NLRC5: variants seen among roughly 807,000 people sequenced by gnomAD.
NLRC5 encodes protein NLRC5.
In NLRC5, 114 loss-of-function variants were observed where a neutral mutation model predicts 206.9. The ratio of observed to expected loss-of-function variants is 0.55; its 90% confidence interval spans 0.47 to 0.64. The LOEUF is 0.64. Ranked by LOEUF, NLRC5 falls within the 30% of genes least tolerant of loss-of-function variation. NLRC5 has a pLI of 0.00. For missense variants in NLRC5, 2,008 were observed against 2,305.5 expected, an observed-to-expected ratio of 0.87 and a Z score of 2.64; for synonymous variants, 952 against 962.8, an observed-to-expected ratio of 0.99 and a Z score of 0.21.
In NLRC5 at chr16:57,059,040, G is replaced by A. The variant is rs148819905; in HGVS notation, c.3899G>A (p.Arg1300His). 3.3e-5 allele frequency: 53 copies of A among 1,613,968 alleles called. No individual in the cohort carries two copies. The highest frequency in any genetic ancestry group is 2.7e-4 in the African/African-American group (20 of 74,904). Residue 1300 changes from arginine to histidine, a missense_variant, in exon 29 of 49, where the codon CGT becomes CAT. Transcript: ENST00000688547. ...CTGGAGACACTGCCCTCCTGCCCAC[G>A]TGTCCGGGAGGCCTCAGTGAAGTAA... ...YLLETLPSCP[R>H]VREASVNLGS...
intron 28 of NLRC5, 135 bp downstream of exon 28, chr16:57,058,283 C>A (rs1414676609): frequency 4.4e-6 from 3 of 689,478 alleles, no homozygotes; most frequent in African/African-American, 3.6e-5. Flanking sequence ...AGGGGCAATT[C>A]TTCCCTTGCC....
At chr16:57,080,137 C>G (rs1244492467) in intron 46 of NLRC5, among the ~76,000 whole-genome samples, 1 of 152,192 alleles carries the variant, frequency 6.6e-6, no homozygotes. Context: ...AATTCTAGGA[C>G]TAGCCTGGGA....
At chr16:57,037,165 C>A in intron 14 of NLRC5, 30 bp from the exon 15 acceptor site, 1 of 1,594,168 alleles carries the variant, frequency 6.3e-7, no homozygotes, top group Non-Finnish European at 8.6e-7. Flanking sequence ...CAGCCACATG[C>A]CAACGGCTGC....
At chr16:57,032,032 A>G (rs1378384881) in intron 11 of NLRC5, among the ~76,000 whole-genome samples, 1 of 152,014 alleles carries the variant, frequency 6.6e-6, no homozygotes, top group Admixed American at 6.6e-5. Context: ...GCTAAGACTC[A>G]GAGACAGATG....
At chr16:57,041,352 G>T in intron 17 of NLRC5, 133 bp from the exon 18 acceptor site, 1 of 671,464 alleles carries the variant, frequency 1.5e-6, no homozygotes. Context: ...GTCTGTCTAG[G>T]TGCCAGATAC....
rs762777064 is a variant in NLRC5, at chr16:57,022,237, A to G, written c.296-19A>G. Reference sequence around the variant, plus strand: ...CCTCGACAGCCCCATACCACATTATACTCTCCCCTCTCTTGCAGGGTTCAC... The same window carrying G: ...CCTCGACAGCCCCATACCACATTATGCTCTCCCCTCTCTTGCAGGGTTCAC... On this transcript the variant is annotated intron_variant, in intron 3 of 48. Transcript: ENST00000688547. 1.2e-6 allele frequency: 2 copies of G among 1,604,902 alleles called. No individual in the cohort carries two copies. Among genetic ancestry groups the G allele is most frequent in the Admixed American group, 1.7e-5 (1 of 59,682 alleles).
chr16:57,013,986 T>C (rs1166180408), intron 1 of NLRC5: 5 of 409,062 alleles, frequency 1.2e-5, no homozygotes, highest in Admixed American at 6.5e-5. Flanking sequence ...GGAAGTTCAT[T>C]CTGATAACAC....
intron 41 of NLRC5, 73 bp downstream of exon 41, chr16:57,077,452 G>A: frequency 7.2e-7 from 1 of 1,389,092 alleles, no homozygotes; most frequent in Non-Finnish European, 1.0e-6. Flanking sequence ...GCCCCTAGCT[G>A]AGGCCAGCAT....
At chr16:57,081,391 CT>C in intron 47 of NLRC5, 135 bp from the exon 48 acceptor site, 1 of 948,896 alleles carries the variant, frequency 1.1e-6, no homozygotes, top group Non-Finnish European at 1.6e-6. Flanking sequence ...CCCCTGTTGT[CT>C]TTTGGGTTCC....
chr16:57,029,797 C>T lies in NLRC5; in HGVS notation c.2268C>T (p.Asp756=), dbSNP rs770776281. 6.2e-6 allele frequency: 10 copies of T among 1,614,024 alleles called. No homozygotes were observed. The African/African-American group carries it at 1.3e-4, about 22-fold the overall frequency. ...GTTTTCGGGACAACCAGCTCAGTGA[C>T]CAGGTGGTGCTGAACATTGTGGAGG... The part of the protein sequence containing the change: ...EVSFRDNQLS[D]QVVLNIVEVL... Residue 756 remains aspartate (D), a synonymous_variant, in exon 9 of 49, where the codon GAC becomes GAT. Transcript: ENST00000688547.
chr16:57,032,244 A>T (rs1360446486), intron 11 of NLRC5, among the ~76,000 whole-genome samples: 2 of 146,540 alleles, frequency 1.4e-5, no homozygotes, highest in Admixed American at 6.8e-5. Context: ...CCCCATCTCT[A>T]AAAAAAAAAG....
At chr16:57,008,338 G>A (rs2059143286) in intron 1 of NLRC5, among the ~76,000 whole-genome samples, 1 of 152,140 alleles carries the variant, frequency 6.6e-6, no homozygotes, top group African/African-American at 2.4e-5. Context: ...TAATGTAAGT[G>A]TACAACTTCA....
intron 19 of NLRC5, among the ~76,000 whole-genome samples, chr16:57,043,010 T>A (rs1199110945): frequency 1.3e-5 from 2 of 152,174 alleles, no homozygotes; most frequent in Admixed American, 1.3e-4. Flanking sequence ...ACTCGTGACC[T>A]GGTGCTGTGA....
In NLRC5 at chr16:57,061,581, T is replaced by C. The variant is rs200695496; in HGVS notation, c.4071-37T>C. On this transcript the variant is annotated intron_variant, in intron 31 of 48. Transcript: ENST00000688547. ...GGACAGCAGAGGGGTGGGGGCACCC[T>C]GCCAGAGCCACCTCAGTGACTGACC... is the stretch of plus-strand genomic sequence containing the variant. 9.1e-4 allele frequency: 1,459 copies of C among 1,609,088 alleles called. 6 individuals carry two copies. The highest frequency in any genetic ancestry group is 9.6e-4 in the Non-Finnish European group (1,134 of 1,179,428).
Position 57,081,629 on chromosome 16 carries a change from G to A in NLRC5, c.5489+19G>A. The A allele has an allele frequency of 3.1e-6, 5 of 1,608,676 alleles. No homozygotes were observed. The highest frequency in any genetic ancestry group is 4.3e-6 in the Non-Finnish European group (5 of 1,175,228). On this transcript the variant is annotated intron_variant, in intron 48 of 48. Transcript: ENST00000688547. ...TCATCCGGTAACAGAGGCCTGCAGGGGCAGGGATGGTGGGTGGGAGGCTAC... is the reference window on the plus strand; with the variant it reads ...TCATCCGGTAACAGAGGCCTGCAGGAGCAGGGATGGTGGGTGGGAGGCTAC...
At chr16:57,056,534 C>T (rs1413342881) in intron 27 of NLRC5, among the ~76,000 whole-genome samples, 1 of 152,216 alleles carries the variant, frequency 6.6e-6, no homozygotes, top group African/African-American at 2.4e-5. Flanking sequence ...AGGTGATCCT[C>T]AGCCTCCCAG....
rs1242242341 is a variant in NLRC5 at position 57,026,603 on chromosome 16, A to G, written c.1660A>G (p.Arg554Gly). The stretch of plus-strand genomic sequence containing the variant: ...CCGCTGGGTACAGCGGACCAAAGCT[A>G]GACTGGGCCTCTCAGACCACCTCCC... ...HSRWVQRTKA[R>G]LGLSDHLPTF... The change falls in exon 6 of 49, where the codon AGA becomes GGA. Residue 554 changes from arginine (R) to glycine (G), a missense_variant. Coordinates refer to ENST00000688547, the MANE Select transcript of NLRC5 (RefSeq NM_001384950.1). 6.2e-7 allele frequency: 1 copy of G among 1,614,062 alleles called. No homozygotes were observed. Among genetic ancestry groups the G allele is most frequent in the Non-Finnish European group, 8.5e-7 (1 of 1,180,044 alleles).
rs1453470419 is a variant in NLRC5 at position 57,026,922 on chromosome 16, A to G, written c.1979A>G (p.His660Arg). 6.2e-7 allele frequency: 1 copy of G among 1,614,168 alleles called. No individual in the cohort carries two copies. Among genetic ancestry groups the G allele is most frequent in the Non-Finnish European group, 8.5e-7 (1 of 1,180,020 alleles). ...DLATLTNILE[H>R]REAPIHLDFD... ...GCCACCCTGACCAACATCCTAGAGCACAGGGAGGCCCCCATCCACCTGGAT... is the reference window on the plus strand; with the variant it reads ...GCCACCCTGACCAACATCCTAGAGCGCAGGGAGGCCCCCATCCACCTGGAT... Residue 660 changes from histidine to arginine, a missense_variant, in exon 6 of 49, where the codon CAC becomes CGC. Transcript: ENST00000688547.
At chr16:57,018,845 C>T (rs2060359270) in intron 2 of NLRC5, among the ~76,000 whole-genome samples, 1 of 152,212 alleles carries the variant, frequency 6.6e-6, no homozygotes, top group Non-Finnish European at 1.5e-5. Flanking sequence ...GCATAGTCCA[C>T]TAGATGATGG....
Sources: gnomAD v4.1 joint callset for allele counts (sites outside exome capture counted in the v4.1 genomes callset) on GRCh38, gnomAD v4.1.1 for gene constraint, MANE v1.5 for transcripts, NCBI Gene and HGNC (gene_info 2026-07-23, HGNC 2026-07-21) for gene names.